SEMA3A: variants seen among roughly 807,000 people sequenced by gnomAD.
SEMA3A encodes the protein semaphorin 3A.
In SEMA3A, 29 loss-of-function variants were observed where a neutral mutation model predicts 97.9. The ratio of observed to expected loss-of-function variants is 0.30; its 90% CI spans 0.22 to 0.40. The LOEUF is 0.40. Among genes scored for constraint, SEMA3A ranks in the 10% least tolerant of loss-of-function variants. The pLI is 1.00. For missense variants in SEMA3A, 763 were observed against 951.3 expected, an observed-to-expected ratio of 0.80 and a Z score of 2.60; for synonymous variants, 321 against 323.7, an observed-to-expected ratio of 0.99 and a Z score of 0.09.
At chr7:84,274,719 G>A (rs2115717178) in intron 3 of SEMA3A, among the ~76,000 whole-genome samples, 1 of 152,088 alleles carries the variant, frequency 6.6e-6, no homozygotes, top group African/African-American at 2.4e-5. Context: ...GTGATAAGCA[G>A]GGTGATCAAA....
At chr7:84,090,343 C>T (rs1242310351) in intron 4 of SEMA3A, among the ~76,000 whole-genome samples, 2 of 152,126 alleles carry the variant, frequency 1.3e-5, no homozygotes, top group African/African-American at 4.8e-5. Flanking sequence ...CTGCTAGATA[C>T]ACTCCCTCCT....
rs1037054881 is a variant in SEMA3A at position 83,960,769 on chromosome 7, A to T, written c.*602T>A. On this transcript the variant is annotated 3_prime_UTR_variant, in exon 17 of 17. Transcript: ENST00000265362. ...ATCTTTAGATCAAAGCTGAAAGAAG[A>T]CATCAGTAGTAGATCAGTGTATTCC... 6.6e-6 allele frequency: 1 copy of T among 152,544 alleles called. No individual in the cohort carries two copies. Among genetic ancestry groups the T allele is most frequent in the African/African-American group, 2.4e-5 (1 of 41,410 alleles). The allele number at this position is 152,544 out of a possible 1,614,324, so 9.4% of individuals were successfully genotyped here. A position where few individuals can be genotyped will look rare whatever the true frequency, so the allele number is the denominator to read the frequency against.
intron 1 of SEMA3A, among the ~76,000 whole-genome samples, chr7:84,182,653 A>G (rs1465887743): frequency 6.6e-6 from 1 of 152,098 alleles, no homozygotes; most frequent in Non-Finnish European, 1.5e-5. Flanking sequence ...TACACTTAAA[A>G]CAATTACACA....
chr7:84,278,832 T>C (rs1800372175), intron 3 of SEMA3A, among the ~76,000 whole-genome samples: 1 of 152,026 alleles, frequency 6.6e-6, no homozygotes, highest in Non-Finnish European at 1.5e-5. Context: ...ACACCAAACA[T>C]CACCATCATC....
At chr7:84,223,513 A>G (rs1233591104) in intron 3 of SEMA3A, among the ~76,000 whole-genome samples, 3 of 151,858 alleles carry the variant, frequency 2.0e-5, no homozygotes, top group African/African-American at 4.8e-5. Flanking sequence ...AACTTACTTG[A>G]TGAGATTGCA....
rs370323414 is a variant in SEMA3A, at chr7:84,436,216, A to T, written c.-246+56244T>A. On this transcript the variant is annotated intron_variant, in intron 1 of 3. Transcript: ENST00000424555. Reference sequence around the variant, plus strand: ...TAAAAATTTAAATGTAAGACATTAAACTATAAGAATCCTAGAAGAAAACCT... The same window carrying T: ...TAAAAATTTAAATGTAAGACATTAATCTATAAGAATCCTAGAAGAAAACCT... Among the ~76,000 whole-genome samples the T allele has an allele frequency of 3.3e-5, 5 of 152,320 alleles. No homozygotes were observed. In the South Asian group the frequency reaches 6.2e-4, roughly 19 times the overall value.
intron 1 of SEMA3A, among the ~76,000 whole-genome samples, chr7:84,453,964 A>G (rs892650837): frequency 1.3e-5 from 2 of 152,232 alleles, no homozygotes; most frequent in Non-Finnish European, 2.9e-5. Flanking sequence ...TACTGCATCA[A>G]AAAATGAAGT....
exon 2 of SEMA3A, chr7:84,371,825 T>G (rs2116103913): frequency 6.6e-6 from 1 of 152,168 alleles, no homozygotes; most frequent in Non-Finnish European, 1.5e-5. Context: ...CACACTTACC[T>G]GCTAAAGGGC....
chr7:84,444,755 G>T (rs1285287532), intron 1 of SEMA3A, among the ~76,000 whole-genome samples: 8 of 151,458 alleles, frequency 5.3e-5, no homozygotes, highest in African/African-American at 1.9e-4. Context: ...TAGAGACGGG[G>T]TTCACCGTGT....
At chr7:84,105,512 T>G (rs1368468390) in intron 4 of SEMA3A, among the ~76,000 whole-genome samples, 1 of 152,168 alleles carries the variant, frequency 6.6e-6, no homozygotes, top group African/African-American at 2.4e-5. Context: ...TAATGTCCCT[T>G]TGGTTCTATC....
chr7:84,433,498 C>T (rs190597935), intron 1 of SEMA3A, among the ~76,000 whole-genome samples: 4 of 152,176 alleles, frequency 2.6e-5, no homozygotes, highest in Non-Finnish European at 5.9e-5. Context: ...TGGGTTCGTT[C>T]CAAGTCTTTG....
At position 84,067,258 on chromosome 7, in the gene SEMA3A, T is replaced by A. The variant is rs905278323; in HGVS notation, c.454-6700A>T. Among the ~76,000 whole-genome samples, 51 of 152,120 alleles carry A rather than the reference T, an allele frequency of 3.4e-4. No homozygotes were observed. In the East Asian group the frequency reaches 8.7e-3, roughly 26 times the overall value. ...AACTGGATCCCTTCCTTACACCTTA[T>A]ACAAAAATCAATTCAAGATGGATTA... On this transcript the variant is annotated intron_variant, in intron 4 of 16. Transcript: ENST00000265362.
chr7:84,075,687 C>T (rs1470217142), intron 4 of SEMA3A, among the ~76,000 whole-genome samples: 3 of 152,058 alleles, frequency 2.0e-5, no homozygotes, highest in African/African-American at 7.2e-5. Flanking sequence ...GAACTCCTGG[C>T]CTCAAGTGAT....
intron 2 of SEMA3A, among the ~76,000 whole-genome samples, chr7:84,352,234 G>T (rs973635574): frequency 6.6e-6 from 1 of 151,966 alleles, no homozygotes; most frequent in Non-Finnish European, 1.5e-5. Flanking sequence ...GGCTGGAAAG[G>T]TTAGTGGAAA....
At chr7:84,398,056 T>G (rs1476311606) in intron 1 of SEMA3A, among the ~76,000 whole-genome samples, 1 of 152,218 alleles carries the variant, frequency 6.6e-6, no homozygotes, top group Non-Finnish European at 1.5e-5. Flanking sequence ...AGAAGTCTGA[T>G]TTTAAAGAGT....
intron 3 of SEMA3A, among the ~76,000 whole-genome samples, chr7:84,286,307 A>G (rs1800586847): frequency 6.6e-6 from 1 of 152,190 alleles, no homozygotes; most frequent in Non-Finnish European, 1.5e-5. Flanking sequence ...TCAGTGGCAG[A>G]CAGTGAAGGA....
intron 2 of SEMA3A, among the ~76,000 whole-genome samples, chr7:84,363,020 C>T (rs150747766): frequency 6.1e-4 from 92 of 151,992 alleles, no homozygotes; most frequent in African/African-American, 1.8e-3. Context: ...TACTGTACAA[C>T]TAGCTAGAGC....
At chr7:84,078,058 G>A (rs1333197832) in intron 4 of SEMA3A, among the ~76,000 whole-genome samples, 1 of 151,986 alleles carries the variant, frequency 6.6e-6, no homozygotes, top group Non-Finnish European at 1.5e-5. Context: ...GAAACACTTT[G>A]AAGAAAATGC....
chr7:84,348,785 C>A (rs1404284087), intron 2 of SEMA3A, among the ~76,000 whole-genome samples: 1 of 152,108 alleles, frequency 6.6e-6, no homozygotes, highest in Non-Finnish European at 1.5e-5. Flanking sequence ...GAGTTTGAGA[C>A]CAGCCTGGCC....
Sources: gnomAD v4.1 joint callset for allele counts (sites outside exome capture counted in the v4.1 genomes callset) on GRCh38, gnomAD v4.1.1 for gene constraint, MANE v1.5 for transcripts, NCBI Gene and HGNC (gene_info 2026-07-23, HGNC 2026-07-21) for gene names.